OTOF: variants seen among roughly 807,000 people sequenced by gnomAD.
OTOF encodes fer-1-like family member 2.
A neutral mutation model predicts 236.8 loss-of-function variants in OTOF; 218 were observed. That is an observed-to-expected ratio of 0.92 (90% CI 0.82 to 1.03). The LOEUF (loss-of-function observed/expected upper bound fraction) is 1.03, where lower values mean the gene tolerates loss of function less well. Among genes scored for constraint, OTOF ranks in the 50% least tolerant of loss-of-function variants. The pLI is 0.00. For missense variants in OTOF, 2,590 were observed against 2,694.4 expected (o/e 0.96, Z 0.86); for synonymous variants, 1,041 against 1,072.5 (o/e 0.97, Z 0.57).
chr2:26,508,526 C>T (rs1345048618), intron 5 of OTOF, among the ~76,000 whole-genome samples: 1 of 152,224 alleles, frequency 6.6e-6, no homozygotes, highest in African/African-American at 2.4e-5. Context: ...ACACACTTGT[C>T]CTGACCCCAG....
At position 26,458,707 on chromosome 2, in the gene OTOF, T is replaced by C. The variant is rs114585938; in HGVS notation, c.*18-487A>G. Among the ~76,000 whole-genome samples the C allele has an allele frequency of 6.4e-3, 982 of 152,314 alleles. 14 individuals are homozygous for C. The highest frequency in any genetic ancestry group is 0.023 in the African/African-American group (953 of 41,574). ...GGATGAAGACCCACTCCACCTTCTGTAGAGCCTCCCAGCCGAGAAGCACCT... is the reference window on the plus strand; with the variant it reads ...GGATGAAGACCCACTCCACCTTCTGCAGAGCCTCCCAGCCGAGAAGCACCT... On this transcript the variant is annotated intron_variant, in intron 46 of 46. Coordinates refer to ENST00000272371, the MANE Select transcript of OTOF (RefSeq NM_194248.3).
intron 1 of OTOF, among the ~76,000 whole-genome samples, chr2:26,555,330 C>G (rs1180194139): frequency 2.0e-5 from 3 of 152,196 alleles, no homozygotes; most frequent in Admixed American, 6.5e-5. Context: ...AGAGATTCGC[C>G]CAGGACTCCC....
rs368148776 is a variant in OTOF at position 26,470,635 on chromosome 2, G to A, written c.3981C>T (p.Asp1327=). 1.1e-5 allele frequency: 18 copies of A among 1,614,016 alleles called. No homozygotes were observed. Among genetic ancestry groups the A allele is most frequent in the Middle Eastern group, 1.6e-4 (1 of 6,084 alleles). Residue 1327 remains aspartate, a synonymous_variant, in exon 32 of 47, where the codon GAC becomes GAT. Coordinates refer to ENST00000272371, the MANE Select transcript of OTOF (RefSeq NM_194248.3). This position sits in a 1 kb window ranked among gnomAD's most constrained non-coding sequence, Gnocchi z 4.3. Reference sequence around the variant, plus strand: ...TGGAGGCAAAGTACTTGGACCACCAGTCCAGCATGCTCTCGTCTGGCTCCT... The same window carrying A: ...TGGAGGCAAAGTACTTGGACCACCAATCCAGCATGCTCTCGTCTGGCTCCT... ...EEEEPDESML[D]WWSKYFASID... is the part of the protein sequence containing the mutation.
At chr2:26,529,877 G>T (rs1033725718) in intron 2 of OTOF, among the ~76,000 whole-genome samples, 1 of 66,612 alleles carries the variant, frequency 1.5e-5, no homozygotes, top group Non-Finnish European at 5.7e-5. Context: ...GGGGTGCGCT[G>T]AGAGTCCCAG....
chr2:26,554,193 T>C (rs979976184), intron 1 of OTOF, among the ~76,000 whole-genome samples: 8 of 146,354 alleles, frequency 5.5e-5, no homozygotes, highest in Admixed American at 4.8e-4. Context: ...AAAAAATCGT[T>C]AGGCCCCTCT....
chr2:26,550,408 G>A (rs758671571), intron 1 of OTOF, among the ~76,000 whole-genome samples: 5 of 152,106 alleles, frequency 3.3e-5, no homozygotes, highest in South Asian at 2.1e-4. Flanking sequence ...ACCCACAGGC[G>A]GTGTTCCTTG....
At chr2:26,480,152 G>T (rs370523955) in intron 16 of OTOF, 51 bp downstream of exon 16, 2 of 1,054,892 alleles carry the variant, frequency 1.9e-6, no homozygotes, top group South Asian at 1.3e-5. Flanking sequence ...TGAAGCCCCC[G>T]TGGGCCCAGC....
intron 9 of OTOF, among the ~76,000 whole-genome samples, chr2:26,494,214 G>C (rs1665919223): frequency 6.6e-6 from 1 of 152,236 alleles, no homozygotes; most frequent in South Asian, 2.1e-4. Context: ...TGTAAGATGG[G>C]GAGATTAAAG....
At chr2:26,467,647 A>G (rs1312664229) in intron 33 of OTOF, 146 bp from the exon 34 acceptor site, 1 of 1,077,876 alleles carries the variant, frequency 9.3e-7, no homozygotes. Context: ...ACTCCCTAGC[A>G]TGCCCGCCTC....
At chr2:26,556,584 G>T (rs1667591231) in intron 1 of OTOF, among the ~76,000 whole-genome samples, 1 of 152,120 alleles carries the variant, frequency 6.6e-6, no homozygotes, top group South Asian at 2.1e-4. Flanking sequence ...GGTCAGTGAG[G>T]CTAAAGGCCC....
chr2:26,546,099 G>A (rs1248871338), intron 1 of OTOF, among the ~76,000 whole-genome samples: 1 of 152,122 alleles, frequency 6.6e-6, no homozygotes, highest in African/African-American at 2.4e-5. Context: ...TTTTGTATAT[G>A]TATTATGTAC....
rs907788404 is a variant in OTOF at position 26,482,285 on chromosome 2, G to A, written c.1579+121C>T. On this transcript the variant is annotated intron_variant, in intron 14 of 46. Coordinates refer to ENST00000272371, the MANE Select transcript of OTOF (RefSeq NM_194248.3). ...AGGGGCTGCTGGCAAGGCCCTGGAA[G>A]CACCTGTGAGGCTGAGGACCAGAGC... The A allele has an allele frequency of 1.8e-5, 17 of 962,150 alleles. No individual in the cohort carries two copies. In the East Asian group the frequency reaches 4.1e-4, roughly 23 times the overall value. 59.6% of individuals were successfully genotyped at this position (962,150 alleles called of 1,614,324 possible).
At chr2:26,476,386 G>A in intron 22 of OTOF, 69 bp from the exon 23 acceptor site, 1 of 1,478,010 alleles carries the variant, frequency 6.8e-7, no homozygotes, top group South Asian at 1.2e-5. Flanking sequence ...GAAGGGGCAG[G>A]GGCCGGCAGA....
intron 39 of OTOF, 96 bp downstream of exon 39, chr2:26,464,773 G>A: frequency 3.2e-6 from 4 of 1,267,068 alleles, no homozygotes; most frequent in Non-Finnish European, 4.4e-6. Flanking sequence ...GACACCCCAG[G>A]CTAGGCTGTG....
intron 11 of OTOF, among the ~76,000 whole-genome samples, chr2:26,487,336 C>G (rs1470025204): frequency 1.3e-5 from 2 of 152,200 alleles, no homozygotes; most frequent in Non-Finnish European, 2.9e-5. Flanking sequence ...ACTTCAGGCT[C>G]TCCTGTCCCT....
intron 3 of OTOF, among the ~76,000 whole-genome samples, chr2:26,527,274 C>T (rs1328192980): frequency 3.3e-5 from 5 of 152,198 alleles, no homozygotes; most frequent in Non-Finnish European, 5.9e-5. Flanking sequence ...CACACAGCTG[C>T]CCTTTGAGGT....
chr2:26,545,221 C>G lies in OTOF; in HGVS notation c.80-7447G>C, dbSNP rs1324784436. Among the ~76,000 whole-genome samples, 3 of 152,150 alleles carry G rather than the reference C, an allele frequency of 2.0e-5. No homozygotes were observed. The East Asian group carries it at 5.8e-4, about 29-fold the overall frequency. ...TTTTAGAGCATGTGAAATAATATCT[C>G]TTTGTAATTTTGATCTTCATTTCTC... On this transcript the variant is annotated intron_variant, in intron 1 of 46. Transcript: ENST00000272371.
rs371683551 is a variant in OTOF at position 26,466,093 on chromosome 2, G to T, written c.4501-17C>A. 3.1e-6 allele frequency: 5 copies of T among 1,613,976 alleles called. No homozygotes were observed. The African/African-American group carries it at 5.3e-5, about 17-fold the overall frequency. On this transcript the variant is annotated splice_polypyrimidine_tract_variant and intron_variant, in intron 36 of 46. Transcript: ENST00000272371. ...GTCCGTGGCCTGGAATGGGGAGAAG[G>T]GCTGCCTGAGCAGGCTCCCATGCCC...
intron 18 of OTOF, among the ~76,000 whole-genome samples, chr2:26,478,257 G>C (rs1330076247): frequency 6.6e-6 from 1 of 152,180 alleles, no homozygotes; most frequent in Admixed American, 6.5e-5. Flanking sequence ...AGCTCCTTAG[G>C]GGGAAGCCTT....
Sources: allele counts gnomAD v4.1 joint callset (sites outside exome capture counted in the v4.1 genomes callset), GRCh38; gene constraint gnomAD v4.1.1; non-coding constraint Gnocchi (gnomAD v3.1); transcripts MANE v1.5; gene names NCBI Gene and HGNC (gene_info 2026-07-23, HGNC 2026-07-21).